Variants in TRANK1 observed in about 807,000 individuals in gnomAD.
TRANK1 encodes TPR and ankyrin repeat-containing protein 1.
Under a neutral mutation model 266.0 loss-of-function variants are expected in TRANK1, and 198 were observed. The observed-to-expected ratio is 0.74, with a 90% CI of 0.66 to 0.84. The LOEUF is 0.84. TRANK1 is among the 40% of genes least tolerant of loss of function. The pLI is 0.00. For missense variants in TRANK1, 3,326 were observed against 3,634.6 expected, an observed-to-expected ratio of 0.92 and a Z score of 2.18; for synonymous variants, 1,396 against 1,384.1, an observed-to-expected ratio of 1.01 and a Z score of -0.19.
At position 36,879,918 on chromosome 3, in the gene TRANK1, ATGTAAACATG is replaced by A. The variant is rs1559449354; in HGVS notation, c.908-5632_908-5623del. Among the ~76,000 whole-genome samples, 227 of 61,714 alleles carry A rather than the reference ATGTAAACATG, an allele frequency of 3.7e-3. 47 individuals carry two copies. Among genetic ancestry groups the A allele is most frequent in the African/African-American group, 0.011 (115 of 10,578 alleles). 40.5% of individuals were successfully genotyped at this position (61,714 alleles called of 152,430 possible). A position where few individuals can be genotyped will look rare whatever the true frequency, so the allele number is the denominator to read the frequency against. On this transcript the variant is annotated intron_variant, in intron 8 of 23. Transcript: ENST00000645898. ...CAAATATATGTAAACATGCAAATAT[ATGTAAACATG>A]CAAATATATGTAAACATGCAAATAT... is the stretch of plus-strand genomic sequence containing the variant.
At chr3:36,928,989 T>C (rs570037553) in intron 1 of TRANK1, among the ~76,000 whole-genome samples, 1 of 152,034 alleles carries the variant, frequency 6.6e-6, no homozygotes, top group East Asian at 1.9e-4. Flanking sequence ...TAAGCCAGAA[T>C]TGCAAAGATA....
chr3:36,893,012 A>T, intron 5 of TRANK1, 28 bp from the exon 6 acceptor site: 1 of 1,396,254 alleles, frequency 7.2e-7, no homozygotes, highest in Non-Finnish European at 9.5e-7. Context: ...AAAAGGCTGG[A>T]ATAATAATGT....
At position 36,940,564 on chromosome 3, in the gene TRANK1, A is replaced by G. The variant is rs575015849; in HGVS notation, c.23+4223T>C. Among the ~76,000 whole-genome samples, 3 of 151,516 alleles carry G rather than the reference A, an allele frequency of 2.0e-5. No individual in the cohort carries two copies. The East Asian group carries it at 5.8e-4, about 30-fold the overall frequency. ...TCCCTCTCTTCCACCTGGCAATCCT[A>G]ATCTGCCTGCTAGAAGTGCTCTCCA... On this transcript the variant is annotated intron_variant, in intron 1 of 23. Coordinates refer to ENST00000645898, the MANE Select transcript of TRANK1 (RefSeq NM_001329998.2).
chr3:36,916,550 A>C (rs1289510811), intron 1 of TRANK1, among the ~76,000 whole-genome samples: 1 of 152,064 alleles, frequency 6.6e-6, no homozygotes, highest in Non-Finnish European at 1.5e-5. Flanking sequence ...ACAGAGCAAG[A>C]CTCTGTCTCA....
intron 1 of TRANK1, among the ~76,000 whole-genome samples, chr3:36,940,956 A>AT (rs1395052297): frequency 6.6e-6 from 1 of 152,168 alleles, no homozygotes; most frequent in African/African-American, 2.4e-5. Flanking sequence ...GTCATCAGTG[A>AT]TTGAGCCTCC....
At chr3:36,888,545 T>C (rs186102836) in intron 8 of TRANK1, among the ~76,000 whole-genome samples, 17 of 152,294 alleles carry the variant, frequency 1.1e-4, no homozygotes, top group Non-Finnish European at 2.1e-4. Flanking sequence ...TCCCTAGATA[T>C]AGGTTCCTAG....
At chr3:36,861,579 G>T (rs2079142878) in intron 10 of TRANK1, among the ~76,000 whole-genome samples, 1 of 151,692 alleles carries the variant, frequency 6.6e-6, no homozygotes, top group African/African-American at 2.4e-5. Context: ...ATGAGAGGAT[G>T]GCTTATCCCT....
rs1559448664 is a variant in TRANK1, at chr3:36,879,778, A to AAATATG, written c.908-5483_908-5482insCATATT. ...TATATATAAATATATATAAATATAT[A>AAATATG]TAAATATGTAAATATATAAATATAC... On this transcript the variant is annotated intron_variant, in intron 8 of 23. Transcript: ENST00000645898. Among the ~76,000 whole-genome samples, 55 of 77,030 alleles carry AAATATG rather than the reference A, an allele frequency of 7.1e-4. 7 individuals are homozygous for AAATATG. The highest frequency in any genetic ancestry group is 1.1e-3 in the Non-Finnish European group (44 of 40,734). 50.5% of individuals were successfully genotyped at this position (77,030 alleles called of 152,430 possible).
chr3:36,895,594 C>A, intron 5 of TRANK1, 46 bp downstream of exon 5: 2 of 1,180,870 alleles, frequency 1.7e-6, no homozygotes, highest in Non-Finnish European at 2.3e-6. Flanking sequence ...GGAATCATTT[C>A]ATCAAGAATG....
At chr3:36,902,395 C>G (rs941517030) in intron 3 of TRANK1, among the ~76,000 whole-genome samples, 1 of 152,198 alleles carries the variant, frequency 6.6e-6, no homozygotes, top group African/African-American at 2.4e-5. Context: ...TTCAGATGCT[C>G]CAGAGTGGCT....
intron 15 of TRANK1, among the ~76,000 whole-genome samples, chr3:36,849,104 C>T (rs906932351): frequency 2.6e-5 from 4 of 152,092 alleles, no homozygotes; most frequent in African/African-American, 9.7e-5. Context: ...TTTCTTGGTA[C>T]TATCAATTGT....
chr3:36,883,926 A>G (rs1476031010), intron 8 of TRANK1, among the ~76,000 whole-genome samples: 2 of 152,254 alleles, frequency 1.3e-5, no homozygotes, highest in African/African-American at 4.8e-5. Context: ...AACTACCAGT[A>G]TCTTAACAGG....
At chr3:36,932,729 G>C (rs1452639600) in intron 1 of TRANK1, among the ~76,000 whole-genome samples, 2 of 152,216 alleles carry the variant, frequency 1.3e-5, no homozygotes, top group Non-Finnish European at 2.9e-5. Flanking sequence ...CATCTATAGA[G>C]AGATTTCTGA....
intron 1 of TRANK1, among the ~76,000 whole-genome samples, chr3:36,926,899 C>G (rs1251810195): frequency 6.6e-6 from 1 of 152,176 alleles, no homozygotes; most frequent in Non-Finnish European, 1.5e-5. Context: ...TATTTAAAAA[C>G]CTTATTTGTC....
At chr3:36,938,755 T>C (rs2125671067) in intron 1 of TRANK1, among the ~76,000 whole-genome samples, 1 of 152,016 alleles carries the variant, frequency 6.6e-6, no homozygotes, top group South Asian at 2.1e-4. Context: ...GCTCAGCAGT[T>C]CGAGACCAGC....
intron 9 of TRANK1, among the ~76,000 whole-genome samples, chr3:36,873,564 T>C (rs2079340703): frequency 6.6e-6 from 1 of 152,172 alleles, no homozygotes; most frequent in African/African-American, 2.4e-5. Context: ...TAATTTGCAA[T>C]TTTTAGAATC....
intron 8 of TRANK1, among the ~76,000 whole-genome samples, chr3:36,885,870 T>C (rs1051569201): frequency 6.6e-6 from 1 of 152,192 alleles, no homozygotes; most frequent in Non-Finnish European, 1.5e-5. Context: ...GCTAACTTTA[T>C]GTGGAGGCTG....
chr3:36,865,417 T>C (rs2125559766), intron 9 of TRANK1, among the ~76,000 whole-genome samples: 1 of 152,328 alleles, frequency 6.6e-6, no homozygotes, highest in East Asian at 1.9e-4. Context: ...AGCAGAAAGA[T>C]GGCTTAGCAC....
At chr3:36,879,709 AATATAT>A (rs1351381944) in intron 8 of TRANK1, among the ~76,000 whole-genome samples, 7 of 99,662 alleles carry the variant, frequency 7.0e-5, no homozygotes, top group Admixed American at 4.7e-4. Context: ...TATAAATATA[AATATAT>A]AAATATATAA....
Sources: allele counts gnomAD v4.1 joint callset (sites outside exome capture counted in the v4.1 genomes callset), GRCh38; gene constraint gnomAD v4.1.1; transcripts MANE v1.5; gene names NCBI Gene and HGNC (gene_info 2026-07-23, HGNC 2026-07-21).